KCNIP4: variants seen among roughly 807,000 people sequenced by gnomAD.
KCNIP4 encodes Kv channel-interacting protein 4.
In KCNIP4, 12 loss-of-function variants were observed where a neutral mutation model predicts 34.0. That is an observed-to-expected ratio of 0.35 (90% CI 0.23 to 0.57). The LOEUF is 0.57. Among genes scored for constraint, KCNIP4 ranks in the 20% least tolerant of loss-of-function variants. The pLI is 0.83. For synonymous variants in KCNIP4, 124 were observed against 102.2 expected, an observed-to-expected ratio of 1.21 and a Z score of -1.29; for missense variants, 238 against 311.7, an observed-to-expected ratio of 0.76 and a Z score of 1.78.
intron 1 of KCNIP4, among the ~76,000 whole-genome samples, chr4:21,307,163 G>A (rs974261142): frequency 2.1e-4 from 32 of 152,308 alleles, no homozygotes; most frequent in African/African-American, 7.0e-4. Context: ...GCATCAGAGT[G>A]AGAGTCCTTC....
At chr4:21,943,956 CT>C (rs60916117) in intron 1 of KCNIP4, among the ~76,000 whole-genome samples, 67,262 of 144,520 alleles carry the variant, frequency 0.47, 16,228 homozygotes, top group African/African-American at 0.64. Flanking sequence ...GAGACTCTTG[CT>C]TTTTTTTTTT....
At chr4:20,797,378 T>C (rs1339802250) in intron 3 of KCNIP4, among the ~76,000 whole-genome samples, 1 of 152,216 alleles carries the variant, frequency 6.6e-6, no homozygotes, top group African/African-American at 2.4e-5. Flanking sequence ...CCCTTGAGTC[T>C]ACTGCAACAG....
chr4:21,523,701 A>G (rs1215545078), intron 1 of KCNIP4, among the ~76,000 whole-genome samples: 4 of 151,920 alleles, frequency 2.6e-5, no homozygotes, highest in Non-Finnish European at 5.9e-5. Context: ...CCTCATGAGC[A>G]TATGGGACTA....
chr4:21,569,034 A>G (rs1740143200), intron 1 of KCNIP4, among the ~76,000 whole-genome samples: 1 of 151,934 alleles, frequency 6.6e-6, no homozygotes, highest in South Asian at 2.1e-4. Context: ...CCGCATTCAG[A>G]GCGAATCAAC....
At chr4:21,025,003 G>T (rs1029497988) in intron 1 of KCNIP4, among the ~76,000 whole-genome samples, 1 of 152,096 alleles carries the variant, frequency 6.6e-6, no homozygotes, top group South Asian at 2.1e-4. Context: ...AGAGCTTATT[G>T]AACTACATTA....
At chr4:21,604,592 T>G (rs991570925) in intron 1 of KCNIP4, among the ~76,000 whole-genome samples, 1 of 152,236 alleles carries the variant, frequency 6.6e-6, no homozygotes, top group African/African-American at 2.4e-5. Flanking sequence ...TTGGAAATTT[T>G]TGTCTAAGAG....
intron 1 of KCNIP4, among the ~76,000 whole-genome samples, chr4:21,676,645 A>G (rs1749927192): frequency 1.3e-5 from 2 of 152,180 alleles, no homozygotes; most frequent in Non-Finnish European, 1.5e-5. Flanking sequence ...ATTTTATGCT[A>G]TGTAACTTTT....
intron 1 of KCNIP4, among the ~76,000 whole-genome samples, chr4:21,369,174 G>T (rs1720086775): frequency 6.8e-6 from 1 of 147,232 alleles, no homozygotes; most frequent in South Asian, 2.1e-4. Flanking sequence ...CTTAATGGTA[G>T]TGTTATGAGA....
intron 1 of KCNIP4, among the ~76,000 whole-genome samples, chr4:21,621,846 T>C (rs1313276691): frequency 1.3e-5 from 2 of 152,192 alleles, no homozygotes; most frequent in Non-Finnish European, 2.9e-5. Flanking sequence ...CATTCTGAGG[T>C]TGGAGCCAGT....
chr4:21,740,912 A>G (rs1716355587), intron 1 of KCNIP4, among the ~76,000 whole-genome samples: 2 of 152,178 alleles, frequency 1.3e-5, no homozygotes, highest in South Asian at 4.1e-4. Context: ...CATTGCCCTA[A>G]AGCAAACATT....
intron 1 of KCNIP4, among the ~76,000 whole-genome samples, chr4:21,616,952 C>T (rs1010633297): frequency 1.3e-5 from 2 of 152,088 alleles, no homozygotes; most frequent in African/African-American, 4.8e-5. Flanking sequence ...CATAACAGTT[C>T]CCCAAAATAT....
chr4:21,462,061 C>T (rs572750969), intron 1 of KCNIP4, among the ~76,000 whole-genome samples: 144 of 152,068 alleles, frequency 9.5e-4, no homozygotes, highest in African/African-American at 3.3e-3. Flanking sequence ...ATTCAAAATC[C>T]TTTATTCTAG....
chr4:21,326,488 A>G (rs1004498703), intron 1 of KCNIP4, among the ~76,000 whole-genome samples: 2 of 150,218 alleles, frequency 1.3e-5, no homozygotes, highest in Non-Finnish European at 3.0e-5. Context: ...GTCTATATGT[A>G]TCTTTACAGG....
At chr4:21,895,241 G>T (rs978171893) in intron 1 of KCNIP4, among the ~76,000 whole-genome samples, 3 of 152,136 alleles carry the variant, frequency 2.0e-5, no homozygotes, top group African/African-American at 7.2e-5. Flanking sequence ...CTAGAAAGAT[G>T]AGCTTACTTT....
At chr4:20,753,659 C>T (rs950634909) in intron 4 of KCNIP4, among the ~76,000 whole-genome samples, 5 of 152,162 alleles carry the variant, frequency 3.3e-5, no homozygotes, top group African/African-American at 1.2e-4. Flanking sequence ...CAATTCATGA[C>T]ATCGTTACTA....
At chr4:21,240,304 A>T (rs945147074) in intron 1 of KCNIP4, among the ~76,000 whole-genome samples, 4 of 146,204 alleles carry the variant, frequency 2.7e-5, no homozygotes, top group African/African-American at 1.1e-4. Context: ...CAGCACACCA[A>T]CATGGCACAT....
intron 1 of KCNIP4, among the ~76,000 whole-genome samples, chr4:21,130,462 T>A (rs920037910): frequency 3.3e-5 from 5 of 152,200 alleles, no homozygotes; most frequent in African/African-American, 1.2e-4. Context: ...CATTGCATAA[T>A]GTTGGTCTGC....
At chr4:20,984,498 G>A (rs1736393857) in intron 1 of KCNIP4, among the ~76,000 whole-genome samples, 1 of 152,158 alleles carries the variant, frequency 6.6e-6, no homozygotes, top group Non-Finnish European at 1.5e-5. Context: ...CTGGTGGCTG[G>A]TGCCTACAGG....
chr4:21,012,444 T>C (rs1225874523), intron 1 of KCNIP4, among the ~76,000 whole-genome samples: 1 of 152,000 alleles, frequency 6.6e-6, no homozygotes, highest in Non-Finnish European at 1.5e-5. Flanking sequence ...ATAAACTGGA[T>C]GTGGTGGCGT....
Sources: gnomAD v4.1 joint callset for allele counts (sites outside exome capture counted in the v4.1 genomes callset) on GRCh38, gnomAD v4.1.1 for gene constraint, MANE v1.5 for transcripts, NCBI Gene and HGNC (gene_info 2026-07-23, HGNC 2026-07-21) for gene names.